The following TTC7A variants were observed in gnomAD, a reference collection of about 807,000 sequenced individuals.
The protein encoded by TTC7A is tetratricopeptide repeat domain 7A, also known as tetratricopeptide repeat protein 7A.
TTC7A carries 110 observed loss-of-function variants against 103.7 expected under a neutral mutation model. The ratio of observed to expected loss-of-function variants is 1.06; its 90% CI spans 0.91 to 1.24. TTC7A has a LOEUF of 1.24. Among genes scored for constraint, TTC7A ranks in the 50% most tolerant of loss-of-function variants. The pLI is 0.00. For missense variants in TTC7A, 1,340 were observed against 1,116.3 expected (o/e 1.20, Z -2.86); for synonymous variants, 521 against 467.9 (o/e 1.11, Z -1.47).
rs1670430795 is a variant in TTC7A, at chr2:46,941,832, G to C, written c.184+107G>C. ...CTCGGCCGACAGCGGGCGCCTGCCA[G>C]CCCACCGTGCTAGTCTTAAGAGCAG... On this transcript the variant is annotated intron_variant, in intron 1 of 19. Coordinates refer to ENST00000319190, the MANE Select transcript of TTC7A (RefSeq NM_020458.4). The surrounding 1 kb of genome is among the most constrained non-coding windows in gnomAD (Gnocchi z 4.2). 1 of 1,409,548 alleles carries C rather than the reference G, an allele frequency of 7.1e-7. No individual in the cohort carries two copies. The allele number at this position is 1,409,548 out of a possible 1,614,324, so 87.3% of individuals were successfully genotyped here.
chr2:46,930,988 G>C (rs1309034850), intron 2 of TTC7A, among the ~76,000 whole-genome samples: 1 of 151,380 alleles, frequency 6.6e-6, no homozygotes, highest in Admixed American at 6.6e-5. Context: ...TTCCAGATGA[G>C]AAAATTTAGC....
intron 3 of TTC7A, among the ~76,000 whole-genome samples, chr2:46,965,712 C>T (rs1426021341): frequency 6.6e-6 from 1 of 152,032 alleles, no homozygotes; most frequent in East Asian, 1.9e-4. Context: ...CAGGCACGTA[C>T]TACCATACCC....
intron 8 of TTC7A, chr2:46,999,738 A>G (rs1003126516): frequency 1.0e-6 from 1 of 985,360 alleles, no homozygotes; most frequent in Admixed American, 6.1e-5. Flanking sequence ...AGATACAGGA[A>G]TCTTTCTTAT....
rs565161147 is a variant in TTC7A at position 46,948,787 on chromosome 2, A to G, written c.185-1576A>G. Among the ~76,000 whole-genome samples the G allele has an allele frequency of 1.1e-3, 164 of 152,258 alleles. 2 individuals are homozygous for G. The highest frequency in any genetic ancestry group is 3.8e-3 in the African/African-American group (157 of 41,554). On this transcript the variant is annotated intron_variant, in intron 1 of 19. Transcript: ENST00000319190. ...GGCATGCAGTTTTGGACTAGTGGCT[A>G]TGAGATGTTAGCAGACTGTGGTATC...
intron 3 of TTC7A, among the ~76,000 whole-genome samples, chr2:46,973,459 C>T (rs779807982): frequency 9.2e-5 from 14 of 152,160 alleles, no homozygotes; most frequent in African/African-American, 2.4e-4. Flanking sequence ...GCCTCAGTGC[C>T]GAGTGCGGCG....
chr2:46,920,444 C>T (rs1669043857), intron 2 of TTC7A, among the ~76,000 whole-genome samples: 1 of 152,052 alleles, frequency 6.6e-6, no homozygotes. Flanking sequence ...GTTCTCCTGC[C>T]TCAGCCTCCC....
chr2:47,003,842 C>T (rs911385877), intron 8 of TTC7A, among the ~76,000 whole-genome samples: 1 of 152,254 alleles, frequency 6.6e-6, no homozygotes, highest in Admixed American at 6.5e-5. Context: ...CTGTGGGTCC[C>T]CACCCTGGGT....
chr2:46,923,402 C>T (rs1669208352), intron 2 of TTC7A, among the ~76,000 whole-genome samples: 1 of 152,192 alleles, frequency 6.6e-6, no homozygotes. Flanking sequence ...CATTAGCTTA[C>T]AAGAAGACAT....
At chr2:47,063,899 A>C (rs1360395976) in intron 19 of TTC7A, among the ~76,000 whole-genome samples, 2 of 152,178 alleles carry the variant, frequency 1.3e-5, no homozygotes, top group Non-Finnish European at 2.9e-5. Context: ...TTGGAGTGGG[A>C]TTGGCAAGTG....
intron 1 of TTC7A, among the ~76,000 whole-genome samples, chr2:46,942,614 AC>A (rs955731497): frequency 1.3e-5 from 2 of 152,056 alleles, no homozygotes; most frequent in Admixed American, 6.5e-5. Context: ...ACTTTAATCA[AC>A]CCCGTGAAGC....
intron 15 of TTC7A, among the ~76,000 whole-genome samples, chr2:47,038,221 T>C (rs112187428): frequency 0.045 from 6,771 of 149,662 alleles, 193 homozygotes; most frequent in South Asian, 0.1. Flanking sequence ...ATCACGCCAC[T>C]GCACTCCAGC....
At chr2:47,073,634 GGCCCAGTT>G in intron 19 of TTC7A, 60 bp from the exon 20 acceptor site, 1 of 1,409,224 alleles carries the variant, frequency 7.1e-7, no homozygotes, top group Non-Finnish European at 1.0e-6. Context: ...ACCTGTGCTT[GGCCCAGTT>G]GCCAAGATGC....
At position 47,074,108 on chromosome 2, in the gene TTC7A, G is replaced by C. The variant is rs1002154217; in HGVS notation, c.*185G>C. The C allele has an allele frequency of 1.7e-6, 1 of 601,858 alleles. No individual in the cohort carries two copies. Among genetic ancestry groups the C allele is most frequent in the Non-Finnish European group, 2.9e-6 (1 of 339,712 alleles). The allele number at this position is 601,858 out of a possible 1,614,324, so 37.3% of individuals were successfully genotyped here. A position where few individuals can be genotyped will look rare whatever the true frequency, so the allele number is the denominator to read the frequency against. On this transcript the variant is annotated 3_prime_UTR_variant, in exon 20 of 20. Coordinates refer to ENST00000319190, the MANE Select transcript of TTC7A (RefSeq NM_020458.4). ...CAAGAGGGCCTTCCTGGATTTCTTT[G>C]TTGGTGCCTTGGGAAACAGTCTGAC...
chr2:47,071,659 G>A (rs977256376), intron 19 of TTC7A, among the ~76,000 whole-genome samples: 1 of 152,110 alleles, frequency 6.6e-6, no homozygotes, highest in African/African-American at 2.4e-5. Context: ...CCTGGCCAGG[G>A]CTTCCGGCCA....
intron 6 of TTC7A, 190 bp from the exon 7 acceptor site, chr2:46,994,157 CAGCAGAGGGG>C: frequency 1.6e-6 from 1 of 609,138 alleles, no homozygotes; most frequent in Non-Finnish European, 2.9e-6. Context: ...CGTCTGAGGC[CAGCAGAGGGG>C]TGGGAGCGCC....
At chr2:46,923,272 T>A (rs1022313514) in intron 2 of TTC7A, among the ~76,000 whole-genome samples, 2 of 152,210 alleles carry the variant, frequency 1.3e-5, no homozygotes, top group African/African-American at 4.8e-5. Context: ...CTTCAGCCCC[T>A]CTCTCCTCCC....
Position 47,074,122 on chromosome 2 carries a change from A to T in TTC7A, c.*199A>T, listed in dbSNP as rs1685022914. On this transcript the variant is annotated 3_prime_UTR_variant, in exon 20 of 20. Coordinates refer to ENST00000319190, the MANE Select transcript of TTC7A (RefSeq NM_020458.4). ...TGGATTTCTTTGTTGGTGCCTTGGGAAACAGTCTGACTTGAACCCTAAGTG... is the reference window on the plus strand; with the variant it reads ...TGGATTTCTTTGTTGGTGCCTTGGGTAACAGTCTGACTTGAACCCTAAGTG... 1.7e-6 allele frequency: 1 copy of T among 596,526 alleles called. No individual in the cohort carries two copies. Among genetic ancestry groups the T allele is most frequent in the Non-Finnish European group, 3.0e-6 (1 of 335,444 alleles). The allele number at this position is 596,526 out of a possible 1,614,324, so 37.0% of individuals were successfully genotyped here. A position where few individuals can be genotyped will look rare whatever the true frequency, so the allele number is the denominator to read the frequency against.
At chr2:47,069,975 T>C (rs964234600) in intron 19 of TTC7A, among the ~76,000 whole-genome samples, 6 of 148,058 alleles carry the variant, frequency 4.1e-5, no homozygotes, top group Non-Finnish European at 9.0e-5. Context: ...CAAAATAACT[T>C]CTATAAATAC....
At chr2:46,971,165 G>A (rs1673323509) in intron 3 of TTC7A, among the ~76,000 whole-genome samples, 1 of 152,224 alleles carries the variant, frequency 6.6e-6, no homozygotes, top group Non-Finnish European at 1.5e-5. Flanking sequence ...TTGATGTCTT[G>A]AAGGAGCCTA....
Sources: gnomAD v4.1 joint callset for allele counts (sites outside exome capture counted in the v4.1 genomes callset) on GRCh38, gnomAD v4.1.1 for gene constraint, Gnocchi (gnomAD v3.1) non-coding constraint, MANE v1.5 for transcripts, NCBI Gene and HGNC (gene_info 2026-07-23, HGNC 2026-07-21) for gene names.